MARK4: variants seen among roughly 807,000 people sequenced by gnomAD.
MARK4 encodes MAP/microtubule affinity-regulating kinase 4.
Under a neutral mutation model 81.5 loss-of-function variants are expected in MARK4, and 19 were observed. The ratio of observed to expected loss-of-function variants is 0.23; its 90% confidence interval spans 0.16 to 0.34. MARK4 has a LOEUF of 0.34. MARK4 is among the 10% of genes least tolerant of loss of function. The pLI, the probability that MARK4 is intolerant of heterozygous loss-of-function variation, is 1.00. For synonymous variants in MARK4, 436 were observed against 439.0 expected (o/e 0.99, Z 0.08); for missense variants, 772 against 1,058.8 (o/e 0.73, Z 3.76).
chr19:45,272,228 A>G (rs1481248767), intron 8 of MARK4, among the ~76,000 whole-genome samples: 1 of 152,214 alleles, frequency 6.6e-6, no homozygotes, highest in African/African-American at 2.4e-5. Context: ...GCTACTTGGG[A>G]GGCTGACGCG....
Position 45,294,404 on chromosome 19 carries a change from G to A in MARK4, c.1550G>A (p.Arg517His), listed in dbSNP as rs554206425. The A allele has an allele frequency of 6.8e-6, 11 of 1,614,064 alleles. No individual in the cohort carries two copies. Among genetic ancestry groups the A allele is most frequent in the South Asian group, 5.5e-5 (5 of 91,088 alleles). ...TRRNTYVCTE[R>H]PGAERPSLLP... ...AGAAACACCTACGTTTGCACAGAAC[G>A]CCCGGGGGCTGAGCGCCCGTCACTG... Residue 517 changes from arginine to histidine, a missense_variant, in exon 14 of 17, where the codon CGC becomes CAC. This residue lies in a region of MARK4 where 548 missense variants were observed against 624.3 expected (regional missense o/e 0.88). Coordinates refer to ENST00000262891, the MANE Select transcript of MARK4 (RefSeq NM_001199867.2).
In MARK4 at chr19:45,302,945, G is replaced by T. The variant is rs767937078; in HGVS notation, c.*235G>T. The T allele has an allele frequency of 3.1e-6, 2 of 643,212 alleles. No individual in the cohort carries two copies. Among genetic ancestry groups the T allele is most frequent in the Non-Finnish European group, 5.2e-6 (2 of 386,576 alleles). The allele number at this position is 643,212 out of a possible 1,614,324, so 39.8% of individuals were successfully genotyped here. On this transcript the variant is annotated 3_prime_UTR_variant, in exon 17 of 17. Transcript: ENST00000262891. The surrounding 1 kb of genome is among the most constrained non-coding windows in gnomAD (Gnocchi z 4.9). ...CTTCCTGGAGCCTCCAGCCAGTCCT[G>T]TCCTCCCTCGCCCTACCAAGAGGGC...
At chr19:45,293,724 GTTCCCAGAGC>G (rs2123102415) in intron 13 of MARK4, among the ~76,000 whole-genome samples, 1 of 152,300 alleles carries the variant, frequency 6.6e-6, no homozygotes, top group African/African-American at 2.4e-5. Flanking sequence ...TATTCCCTGT[GTTCCCAGAGC>G]TCACAGCCCA....
At chr19:45,273,051 G>C (rs1341474954) in intron 8 of MARK4, among the ~76,000 whole-genome samples, 1 of 151,964 alleles carries the variant, frequency 6.6e-6, no homozygotes, top group Non-Finnish European at 1.5e-5. Flanking sequence ...AAGCAAACTA[G>C]ATATGATATC....
At chr19:45,278,408 G>T in intron 9 of MARK4, 108 bp from the exon 10 acceptor site, 1 of 984,472 alleles carries the variant, frequency 1.0e-6, no homozygotes, top group Admixed American at 1.8e-5. Context: ...TAGGAAGCCC[G>T]CAATTCTGGG....
At chr19:45,288,039 G>A (rs1970769895) in intron 13 of MARK4, 1 of 276,544 alleles carries the variant, frequency 3.6e-6, no homozygotes, top group African/African-American at 2.2e-5. Context: ...AGGAGTTCAA[G>A]AAGCATAGCA....
chr19:45,269,251 C>T (rs185075827), intron 7 of MARK4, among the ~76,000 whole-genome samples: 4 of 152,000 alleles, frequency 2.6e-5, no homozygotes, highest in African/African-American at 9.6e-5. Context: ...TGGTTGTGGG[C>T]GCCTGTAGTC....
Position 45,280,715 on chromosome 19 carries a change from G to A in MARK4, c.1257G>A (p.Gln419=). The A allele has an allele frequency of 6.2e-7, 1 of 1,614,140 alleles. No homozygotes were observed. The highest frequency in any genetic ancestry group is 8.5e-7 in the Non-Finnish European group (1 of 1,179,988). ...GTTCCTCTTCCACCTACCACCGCCA[G>A]CGCAGGCATAGCGATTTCTGTGAGT... ...QRSSSSTYHR[Q]RRHSDFCGPS... The change falls in exon 12 of 17, where the codon CAG becomes CAA. Residue 419 remains glutamine, a synonymous_variant. Transcript: ENST00000262891.
At position 45,264,715 on chromosome 19, in the gene MARK4, G is replaced by A; in HGVS notation, c.387G>A (p.Lys129=). 6.2e-7 allele frequency: 1 copy of A among 1,614,124 alleles called. No homozygotes were observed. Among genetic ancestry groups the A allele is most frequent in the South Asian group, 1.1e-5 (1 of 91,084 alleles). ...VKLFEVIETE[K]TLYLVMEYAS... is the part of the protein sequence containing the mutation. ...TCTTTGAGGTGATTGAGACTGAGAA[G>A]ACGCTGTACCTGGTGATGGAGTACG... The change falls in exon 5 of 17, where the codon AAG becomes AAA. Residue 129 remains lysine (K), a synonymous_variant. Transcript: ENST00000262891.
At position 45,302,854 on chromosome 19, in the gene MARK4, C is replaced by T. The variant is rs1237417034; in HGVS notation, c.*144C>T. On this transcript the variant is annotated 3_prime_UTR_variant, in exon 17 of 17. Transcript: ENST00000262891. This position sits in a 1 kb window ranked among gnomAD's most constrained non-coding sequence, Gnocchi z 4.9. The stretch of plus-strand genomic sequence containing the variant: ...TATTTGGGGGCAAAGATTGTCCCCT[C>T]TGCTGTTCTCTGGGGCCGCTCAGCA... 7.0e-6 allele frequency: 9 copies of T among 1,279,866 alleles called. No homozygotes were observed. The East Asian group carries it at 1.5e-4, about 22-fold the overall frequency. The allele number at this position is 1,279,866 out of a possible 1,614,324, so 79.3% of individuals were successfully genotyped here.
At chr19:45,280,176 C>G in intron 10 of MARK4, 198 bp from the exon 11 acceptor site, 1 of 544,292 alleles carries the variant, frequency 1.8e-6, no homozygotes, top group Non-Finnish European at 3.3e-6. Context: ...TAGCAAAACC[C>G]TGTCTCTACT....
intron 8 of MARK4, among the ~76,000 whole-genome samples, chr19:45,273,898 A>T (rs345411): frequency 1.2e-3 from 190 of 152,392 alleles, no homozygotes; most frequent in African/African-American, 4.0e-3. Flanking sequence ...GCCTTGGCCA[A>T]ATAGCCAACC....
chr19:45,294,280 A>C, intron 13 of MARK4, 69 bp from the exon 14 acceptor site: 1 of 1,446,596 alleles, frequency 6.9e-7, no homozygotes, highest in Non-Finnish European at 9.7e-7. Context: ...AGGGCAGAGA[A>C]GGGAAGAGGG....
At chr19:45,278,119 A>G in intron 9 of MARK4, 77 bp downstream of exon 9, 1 of 1,579,792 alleles carries the variant, frequency 6.3e-7, no homozygotes, top group Non-Finnish European at 8.6e-7. Flanking sequence ...CCCACCCACA[A>G]AAGCCTTCTT....
chr19:45,298,119 C>G (rs886330973), intron 15 of MARK4, 165 bp downstream of exon 15: 1 of 1,612,532 alleles, frequency 6.2e-7, no homozygotes, highest in African/African-American at 1.3e-5. Context: ...CCTGTCACCC[C>G]TCACCTCCCT....
chr19:45,278,749 G>A lies in MARK4; in HGVS notation c.1006+134G>A, dbSNP rs1333327558. On this transcript the variant is annotated intron_variant, in intron 10 of 16. Transcript: ENST00000262891. Reference sequence around the variant, plus strand: ...CTCCCAAGTAGCTGGGACCACAGGCGCCTGCCGCCATGCCCGGCTAATTTT... The same window carrying A: ...CTCCCAAGTAGCTGGGACCACAGGCACCTGCCGCCATGCCCGGCTAATTTT... 1.9e-5 allele frequency: 13 copies of A among 666,956 alleles called. No individual in the cohort carries two copies. The East Asian group carries it at 2.8e-4, about 14-fold the overall frequency. 41.3% of individuals were successfully genotyped at this position (666,956 alleles called of 1,614,324 possible).
At chr19:45,298,056 T>TTCCTCC (rs899485970) in intron 15 of MARK4, 102 bp downstream of exon 15, 5 of 1,491,438 alleles carry the variant, frequency 3.4e-6, no homozygotes, top group African/African-American at 2.7e-5. Context: ...ACATTTCCTC[T>TTCCTCC]TCCTCCTCCT....
chr19:45,256,103 A>C (rs939733859), intron 1 of MARK4, among the ~76,000 whole-genome samples: 2 of 152,186 alleles, frequency 1.3e-5, no homozygotes, highest in African/African-American at 4.8e-5. Context: ...CCATGGAAGG[A>C]GGATAACAGG....
chr19:45,291,726 G>A (rs1470366995), intron 13 of MARK4, among the ~76,000 whole-genome samples: 1 of 152,210 alleles, frequency 6.6e-6, no homozygotes, highest in Non-Finnish European at 1.5e-5. Flanking sequence ...AGGTTGCAGT[G>A]AGCTGAGATT....
Sources: allele counts gnomAD v4.1 joint callset (sites outside exome capture counted in the v4.1 genomes callset), GRCh38; gene constraint gnomAD v4.1.1; regional missense constraint gnomAD v4.1.1; non-coding constraint Gnocchi (gnomAD v3.1); transcripts MANE v1.5; gene names NCBI Gene and HGNC (gene_info 2026-07-23, HGNC 2026-07-21).